The following GPATCH8 variants were observed in gnomAD, a reference collection of about 807,000 sequenced individuals.
GPATCH8 encodes the protein G patch domain-containing protein 8.
In GPATCH8, 18 loss-of-function variants were observed where a neutral mutation model predicts 118.3. The ratio of observed to expected loss-of-function variants is 0.15; its 90% CI spans 0.11 to 0.23. The LOEUF (loss-of-function observed/expected upper bound fraction) is 0.23, where lower values mean the gene tolerates loss of function less well. Among genes scored for constraint, GPATCH8 ranks in the 10% least tolerant of loss-of-function variants. The pLI is 1.00. For missense variants in GPATCH8, 1,631 were observed against 1,873.8 expected (o/e 0.87, Z 2.39); for synonymous variants, 659 against 684.7 (o/e 0.96, Z 0.59).
intron 3 of GPATCH8, among the ~76,000 whole-genome samples, chr17:44,454,590 T>C (rs2051256404): frequency 6.6e-6 from 1 of 152,122 alleles, no homozygotes; most frequent in Non-Finnish European, 1.5e-5. Context: ...CCTTTCATCT[T>C]TATATTTATT....
chr17:44,399,837 C>T lies in GPATCH8; in HGVS notation c.2240G>A (p.Arg747Lys). 1.2e-6 allele frequency: 2 copies of T among 1,613,798 alleles called. No individual in the cohort carries two copies. Among genetic ancestry groups the T allele is most frequent in the Non-Finnish European group, 1.7e-6 (2 of 1,179,920 alleles). ...CTGGGAGTCATCTTGAGCTCTCCGC[C>T]TTCTTCTTGGTGGTGCGGGACTGCC... ...GSGSPAPPRR[R>K]RRAQDDSQRR... The change falls in exon 8 of 8, where the codon AGG becomes AAG. Residue 747 changes from arginine (R) to lysine (K), a missense_variant. Transcript: ENST00000591680.
At position 44,400,264 on chromosome 17, in the gene GPATCH8, C is replaced by G. The variant is rs757519897; in HGVS notation, c.1813G>C (p.Gly605Arg). The G allele has an allele frequency of 5.6e-6, 9 of 1,614,118 alleles. No individual in the cohort carries two copies. The highest frequency in any genetic ancestry group is 3.3e-4 in the Middle Eastern group (2 of 6,060). ...TTATTTGGCTCACCAGGATCTAGGCCTTGGAGATGGTCCTTTGAGGAGCTT... is the reference window on the plus strand; with the variant it reads ...TTATTTGGCTCACCAGGATCTAGGCGTTGGAGATGGTCCTTTGAGGAGCTT... ...IGSSSKDHLQ[G>R]LDPGEPNKSK... Residue 605 changes from glycine (G) to arginine (R), a missense_variant, in exon 8 of 8, where the codon GGC (glycine) becomes CGC (arginine). Coordinates refer to ENST00000591680, the MANE Select transcript of GPATCH8 (RefSeq NM_001002909.4).
chr17:44,456,863 A>G (rs545322227), intron 3 of GPATCH8, among the ~76,000 whole-genome samples: 258 of 151,550 alleles, frequency 1.7e-3, no homozygotes, highest in Non-Finnish European at 2.9e-3. Flanking sequence ...ATACAAGTAC[A>G]GAACAATTTT....
chr17:44,453,528 T>TGTGTGTGTGTGTGTGTGTGTGTGTGC (rs1482667373), intron 3 of GPATCH8, among the ~76,000 whole-genome samples: 1 of 150,584 alleles, frequency 6.6e-6, no homozygotes, highest in Admixed American at 6.6e-5. Context: ...TGTGTGTGTG[T>TGTGTGTGTGTGTGTGTGTGTGTGTGC]GTGCAGGCGC....
In GPATCH8 at chr17:44,397,244, G is replaced by A. The variant is rs75756764; in HGVS notation, c.*324C>T. 5.1e-3 allele frequency: 2,670 copies of A among 519,620 alleles called. 58 individuals are homozygous for A. Among genetic ancestry groups the A allele is most frequent in the African/African-American group, 0.045 (2,372 of 52,488 alleles). The allele number at this position is 519,620 out of a possible 1,614,324, so 32.2% of individuals were successfully genotyped here. On this transcript the variant is annotated 3_prime_UTR_variant, in exon 8 of 8. Transcript: ENST00000591680. The stretch of plus-strand genomic sequence containing the variant: ...CAGAAGGGAAGAGCAGAGGAAAAAA[G>A]CAGAGGGAGGAGGGGATTATCTAAA...
Position 44,396,798 on chromosome 17 carries a change from G to A in GPATCH8, c.*770C>T, listed in dbSNP as rs1436798864. 2.2e-6 allele frequency: 1 copy of A among 454,308 alleles called. No individual in the cohort carries two copies. 28.1% of individuals were successfully genotyped at this position (454,308 alleles called of 1,614,324 possible). Reference sequence around the variant, plus strand: ...ACATTAAAAAAATCCTATAAATTAAGAAGGAAACATCAACACAACAGAAGA... The same window carrying A: ...ACATTAAAAAAATCCTATAAATTAAAAAGGAAACATCAACACAACAGAAGA... On this transcript the variant is annotated 3_prime_UTR_variant, in exon 8 of 8. Transcript: ENST00000591680.
At chr17:44,488,708 A>C (rs1968993112) in intron 1 of GPATCH8, among the ~76,000 whole-genome samples, 1 of 152,038 alleles carries the variant, frequency 6.6e-6, no homozygotes, top group Admixed American at 6.6e-5. Context: ...TGGATACTGT[A>C]GTAGGGAATA....
At chr17:44,487,073 T>C (rs1453904133) in intron 1 of GPATCH8, among the ~76,000 whole-genome samples, 1 of 152,210 alleles carries the variant, frequency 6.6e-6, no homozygotes, top group African/African-American at 2.4e-5. Context: ...TTTTGACAAA[T>C]GTATACAGAC....
At chr17:44,502,923 T>C (rs1970202053) in intron 1 of GPATCH8, among the ~76,000 whole-genome samples, 1 of 152,160 alleles carries the variant, frequency 6.6e-6, no homozygotes, top group South Asian at 2.1e-4. Context: ...ATCCCGGGGT[T>C]CGGAAGCCTT....
chr17:44,399,275 G>C lies in GPATCH8; in HGVS notation c.2802C>G (p.Asp934Glu). ...GGGACTGGCTGCAACTGAGGCTATA[G>C]TCATCATCAGAAGATGAATATTTGT... ...KRHKYSSSDD[D>E]YSLSCSQSRS... The change falls in exon 8 of 8, where the codon GAC (aspartate) becomes GAG (glutamate). Residue 934 changes from aspartate to glutamate, a missense_variant. Asp to Glu is a conservative substitution (Grantham distance 45). This residue lies in a region of GPATCH8 where 922 missense variants were observed against 879.7 expected (regional missense o/e 1.05). Coordinates refer to ENST00000591680, the MANE Select transcript of GPATCH8 (RefSeq NM_001002909.4). The C allele has an allele frequency of 1.2e-6, 2 of 1,613,710 alleles. No homozygotes were observed. Among genetic ancestry groups the C allele is most frequent in the South Asian group, 1.1e-5 (1 of 91,066 alleles).
chr17:44,398,589 T>C lies in GPATCH8; in HGVS notation c.3488A>G (p.Glu1163Gly). 6.4e-7 allele frequency: 1 copy of C among 1,553,766 alleles called. No individual in the cohort carries two copies. Among genetic ancestry groups the C allele is most frequent in the Non-Finnish European group, 8.7e-7 (1 of 1,154,622 alleles). ...CTCTTCCCCCCTTTCCAAGCCAGAC[T>C]CTTCACACTTCTTATTGGGCTTTCG... Reference protein sequence around the residue: ...ATRKPNKKCEESGLERGEEQE... With the variant: ...ATRKPNKKCEGSGLERGEEQE... Residue 1163 changes from glutamate (E) to glycine (G), a missense_variant, in exon 8 of 8, where the codon GAG (glutamate) becomes GGG (glycine). Physicochemically the swap from Glu to Gly is moderately conservative, Grantham distance 98. Coordinates refer to ENST00000591680, the MANE Select transcript of GPATCH8 (RefSeq NM_001002909.4).
chr17:44,456,994 C>T (rs1598544762), intron 3 of GPATCH8, among the ~76,000 whole-genome samples: 1 of 151,948 alleles, frequency 6.6e-6, no homozygotes, highest in Non-Finnish European at 1.5e-5. Context: ...TCCTGAGTAG[C>T]TGGGATTACA....
chr17:44,410,529 C>T (rs183875315), intron 6 of GPATCH8, among the ~76,000 whole-genome samples: 19 of 152,176 alleles, frequency 1.2e-4, no homozygotes, highest in East Asian at 9.6e-4. Flanking sequence ...GAAAATTATA[C>T]GATATGCTTT....
In GPATCH8 at chr17:44,406,500, G is replaced by GT. The variant is rs1168938924; in HGVS notation, c.493-450_493-449insA. The stretch of plus-strand genomic sequence containing the variant: ...AAAAGCAATGTACAGCTTACATGGG[G>GT]GGGGGGGGTTATTTAAATTAGAACA... On this transcript the variant is annotated intron_variant, in intron 6 of 7. Transcript: ENST00000591680. 1.5e-5 allele frequency among the ~76,000 whole-genome samples: 2 copies of GT among 129,082 alleles called. 1 individual carries two copies. Among genetic ancestry groups the GT allele is most frequent in the Non-Finnish European group, 3.3e-5 (2 of 60,614 alleles). 84.7% of individuals were successfully genotyped at this position (129,082 alleles called of 152,430 possible).
At chr17:44,402,451 T>A (rs1319469740) in intron 7 of GPATCH8, among the ~76,000 whole-genome samples, 1 of 152,074 alleles carries the variant, frequency 6.6e-6, no homozygotes, top group Non-Finnish European at 1.5e-5. Context: ...AATGTATGGC[T>A]GTACATGTAT....
chr17:44,429,352 A>G (rs2050208071), intron 5 of GPATCH8, among the ~76,000 whole-genome samples: 1 of 152,172 alleles, frequency 6.6e-6, no homozygotes, highest in Non-Finnish European at 1.5e-5. Flanking sequence ...ACAGAGGCTA[A>G]AGTATATTGC....
At chr17:44,483,818 GGTTGTTTTT>G (rs1256640913) in intron 1 of GPATCH8, among the ~76,000 whole-genome samples, 2 of 115,382 alleles carry the variant, frequency 1.7e-5, no homozygotes, top group Non-Finnish European at 4.0e-5. Flanking sequence ...ATTTTTGTTT[GGTTGTTTTT>G]GTTGTTGTTG....
chr17:44,429,649 A>AACACACACACACACACACAC (rs144232073), intron 5 of GPATCH8, among the ~76,000 whole-genome samples: 9,201 of 125,356 alleles, frequency 0.073, 553 homozygotes, highest in East Asian at 0.11. Context: ...GTCTCTACTA[A>AACACACACACACACACACAC]ACACACACAC....
chr17:44,403,386 T>TA (rs1391640901), intron 7 of GPATCH8, among the ~76,000 whole-genome samples: 4 of 151,668 alleles, frequency 2.6e-5, no homozygotes, highest in East Asian at 1.9e-4. Flanking sequence ...GCTGGCTAAT[T>TA]AAAAAAAAAT....
Sources: gnomAD v4.1 joint callset for allele counts (sites outside exome capture counted in the v4.1 genomes callset) on GRCh38, gnomAD v4.1.1 for gene constraint, gnomAD v4.1.1 regional missense constraint, MANE v1.5 for transcripts, NCBI Gene and HGNC (gene_info 2026-07-23, HGNC 2026-07-21) for gene names.